Variants in DENND1A observed in about 807,000 individuals in gnomAD.
The protein encoded by DENND1A is DENN domain-containing protein 1A.
A neutral mutation model predicts 113.7 loss-of-function variants in DENND1A; 51 were observed. The ratio of observed to expected loss-of-function variants is 0.45; its 90% confidence interval spans 0.36 to 0.57. DENND1A has a LOEUF of 0.57. DENND1A is among the 20% of genes least tolerant of loss of function. The pLI is 0.00. For synonymous variants in DENND1A, 565 were observed against 570.8 expected (o/e 0.99, Z 0.14); for missense variants, 1,258 against 1,395.9 (o/e 0.90, Z 1.57).
chr9:123,899,455 G>A (rs1851267290), intron 1 of DENND1A, among the ~76,000 whole-genome samples: 1 of 152,022 alleles, frequency 6.6e-6, no homozygotes. Context: ...CTAGACAAAG[G>A]TGCCAAAAAT....
chr9:123,892,073 GA>G lies in DENND1A; in HGVS notation c.18-13053del, dbSNP rs578090845. Among the ~76,000 whole-genome samples the G allele has an allele frequency of 4.5e-3, 683 of 152,296 alleles. 1 individual carries two copies. Among genetic ancestry groups the G allele is most frequent in the Non-Finnish European group, 8.0e-3 (546 of 68,032 alleles). On this transcript the variant is annotated intron_variant, in intron 1 of 23. Transcript: ENST00000394215. ...GCTGGAGTGAAGAGAGCTGCACAGA[GA>G]AAGAACTCCAGAGATCTGCAAGAGC...
chr9:123,797,294 T>G (rs1342901987), intron 2 of DENND1A, among the ~76,000 whole-genome samples: 1 of 152,180 alleles, frequency 6.6e-6, no homozygotes, highest in East Asian at 1.9e-4. Context: ...TAATCAGATT[T>G]AATTTTCCAG....
chr9:123,450,278 A>C (rs958339986), intron 18 of DENND1A, among the ~76,000 whole-genome samples: 2 of 152,176 alleles, frequency 1.3e-5, no homozygotes, highest in Non-Finnish European at 2.9e-5. Flanking sequence ...GGCCACGTGC[A>C]TGCTGGACCA....
intron 13 of DENND1A, among the ~76,000 whole-genome samples, chr9:123,489,474 C>A (rs1001195630): frequency 2.6e-5 from 4 of 152,202 alleles, no homozygotes; most frequent in African/African-American, 4.8e-5. Flanking sequence ...TCGCCTAAGT[C>A]CCCCAACTTT....
chr9:123,437,307 A>T (rs554035296), intron 19 of DENND1A, among the ~76,000 whole-genome samples: 2 of 152,234 alleles, frequency 1.3e-5, no homozygotes, highest in Non-Finnish European at 2.9e-5. Context: ...AGGGCAAGGC[A>T]GCACCTTCTC....
Position 123,452,360 on chromosome 9 carries a change from T to C in DENND1A, c.1228-13A>G, listed in dbSNP as rs1223157369. 9 of 1,612,438 alleles carry C rather than the reference T, an allele frequency of 5.6e-6. No individual in the cohort carries two copies. Among genetic ancestry groups the C allele is most frequent in the African/African-American group, 1.3e-5 (1 of 74,898 alleles). On this transcript the variant is annotated splice_polypyrimidine_tract_variant and intron_variant, in intron 16 of 23. Transcript: ENST00000394215. ...CTCCACTTCCTTTCTATAATAAAAA[T>C]GTCAATTAGCAATTTGGGCTGAAGA...
chr9:123,773,968 G>A (rs1376298450), intron 3 of DENND1A, among the ~76,000 whole-genome samples: 2 of 152,120 alleles, frequency 1.3e-5, no homozygotes, highest in Non-Finnish European at 2.9e-5. Flanking sequence ...CTTGCTGAAA[G>A]CCGATATAGC....
intron 2 of DENND1A, among the ~76,000 whole-genome samples, chr9:123,810,549 CAAAA>C (rs1159557273): frequency 2.2e-5 from 1 of 46,436 alleles, no homozygotes; most frequent in African/African-American, 8.0e-5. Flanking sequence ...CATGTCTCTA[CAAAA>C]AAAAAAAAAA....
chr9:123,582,405 T>TC (rs2058946618), intron 12 of DENND1A, among the ~76,000 whole-genome samples: 1 of 147,926 alleles, frequency 6.8e-6, no homozygotes, highest in African/African-American at 2.5e-5. Context: ...CTAACTTTCT[T>TC]TTTTTTTTTT....
At chr9:123,489,290 G>A (rs2051159798) in intron 13 of DENND1A, among the ~76,000 whole-genome samples, 1 of 152,202 alleles carries the variant, frequency 6.6e-6, no homozygotes, top group African/African-American at 2.4e-5. Context: ...AGTTTAGGTG[G>A]AGGCACTCCG....
At chr9:123,818,563 C>CAT (rs1294531008) in intron 2 of DENND1A, among the ~76,000 whole-genome samples, 1 of 56,944 alleles carries the variant, frequency 1.8e-5, no homozygotes, top group Non-Finnish European at 5.0e-5. Context: ...CACACACACA[C>CAT]ACACATATAT....
intron 1 of DENND1A, among the ~76,000 whole-genome samples, chr9:123,909,295 A>T (rs1034562424): frequency 1.1e-4 from 16 of 152,216 alleles, no homozygotes; most frequent in African/African-American, 3.9e-4. Flanking sequence ...ACATGTATAC[A>T]TATGTAACTA....
chr9:123,810,421 G>A (rs1381731278), intron 2 of DENND1A, among the ~76,000 whole-genome samples: 2 of 151,686 alleles, frequency 1.3e-5, no homozygotes, highest in Non-Finnish European at 2.9e-5. Flanking sequence ...TTTAAAAAGA[G>A]AAAGAAAAGG....
chr9:123,854,726 T>G (rs980501257), intron 2 of DENND1A, among the ~76,000 whole-genome samples: 1 of 147,482 alleles, frequency 6.8e-6, no homozygotes, highest in Admixed American at 6.7e-5. Flanking sequence ...ATAAGTAAAA[T>G]GAAATAAAAA....
intron 5 of DENND1A, among the ~76,000 whole-genome samples, chr9:123,750,045 G>A (rs2131287934): frequency 6.6e-6 from 1 of 152,310 alleles, no homozygotes; most frequent in South Asian, 2.1e-4. Context: ...AGGAGAAAGG[G>A]AGCTTCCTCC....
chr9:123,828,639 CAAA>C (rs59346883), intron 2 of DENND1A, among the ~76,000 whole-genome samples: 1 of 116,010 alleles, frequency 8.6e-6, no homozygotes, highest in Non-Finnish European at 1.9e-5. Flanking sequence ...TAAAAGTAGC[CAAA>C]AAAAAAAAAG....
intron 13 of DENND1A, among the ~76,000 whole-genome samples, chr9:123,483,354 A>T (rs2133772382): frequency 6.6e-6 from 1 of 152,340 alleles, no homozygotes. Flanking sequence ...CTGGGGGGCC[A>T]TGCCGCCGCT....
At chr9:123,796,738 G>T (rs781132580) in intron 2 of DENND1A, among the ~76,000 whole-genome samples, 1 of 140,172 alleles carries the variant, frequency 7.1e-6, no homozygotes, top group African/African-American at 2.8e-5. Context: ...TTGTACATTG[G>T]TAACTCCTAT....
intron 13 of DENND1A, among the ~76,000 whole-genome samples, chr9:123,500,312 G>T (rs1009618047): frequency 6.6e-6 from 1 of 152,118 alleles, no homozygotes; most frequent in East Asian, 1.9e-4. Flanking sequence ...CCACGTCTCA[G>T]GATTCCAATC....
Sources: gnomAD v4.1 joint callset for allele counts (sites outside exome capture counted in the v4.1 genomes callset) on GRCh38, gnomAD v4.1.1 for gene constraint, MANE v1.5 for transcripts, NCBI Gene and HGNC (gene_info 2026-07-23, HGNC 2026-07-21) for gene names.